The following STAB2 variants were observed in gnomAD, a reference collection of about 807,000 sequenced individuals.
The protein encoded by STAB2 is stabilin 2.
STAB2 carries 288 observed loss-of-function variants against 338.1 expected under a neutral mutation model. The observed-to-expected ratio is 0.85, with a 90% CI of 0.77 to 0.94. The LOEUF is 0.94. Ranked by LOEUF, STAB2 falls within the 40% of genes least tolerant of loss-of-function variation. The probability of loss-of-function intolerance (pLI) is 0.00; values close to 1 mark genes in which losing one functional copy is unlikely to be tolerated. For missense variants in STAB2, 3,141 were observed against 3,210.1 expected (o/e 0.98, Z 0.52); for synonymous variants, 1,202 against 1,193.3 (o/e 1.01, Z -0.15).
intron 9 of STAB2, among the ~76,000 whole-genome samples, chr12:103,645,274 A>C (rs904075648): frequency 3.9e-5 from 6 of 152,286 alleles, no homozygotes; most frequent in Non-Finnish European, 8.8e-5. Context: ...AACTGAGAAC[A>C]GTTAAGTCAG....
rs1446659636 is a variant in STAB2 at position 103,755,353 on chromosome 12, T to C, written c.6766T>C (p.Tyr2256His). 6.2e-7 allele frequency: 1 copy of C among 1,614,134 alleles called. No individual in the cohort carries two copies. The highest frequency in any genetic ancestry group is 8.5e-7 in the Non-Finnish European group (1 of 1,180,010). Residue 2256 changes from tyrosine (Y) to histidine (H), a missense_variant, in exon 62 of 69, where the codon TAC (tyrosine) becomes CAC (histidine). Physicochemically the swap from Tyr to His is moderately conservative, Grantham distance 83 (BLOSUM62 2). Coordinates refer to ENST00000388887, the MANE Select transcript of STAB2 (RefSeq NM_017564.10). ...CTGGCTGGAGACCGGGCGGGTTGCC[T>C]ACCCCACAGCCTTCGCCTCCCAGAA... ...AGWLETGRVA[Y>H]PTAFASQNCG... is the part of the protein sequence containing the mutation.
In STAB2 at chr12:103,755,595, G is replaced by A. The variant is rs1884039939; in HGVS notation, c.6881-17G>A. ...CTGCCTTACTTGTGTGGGACCCTGT[G>A]TGCCTCTGCCCTCCAGATGTGAACT... On this transcript the variant is annotated splice_polypyrimidine_tract_variant and intron_variant, in intron 62 of 68. Coordinates refer to ENST00000388887, the MANE Select transcript of STAB2 (RefSeq NM_017564.10). The A allele has an allele frequency of 3.7e-6, 6 of 1,614,004 alleles. No homozygotes were observed. The highest frequency in any genetic ancestry group is 5.1e-6 in the Non-Finnish European group (6 of 1,179,906).
At chr12:103,681,613 C>CTTTTTT (rs907234037) in intron 25 of STAB2, among the ~76,000 whole-genome samples, 4 of 92,952 alleles carry the variant, frequency 4.3e-5, no homozygotes, top group African/African-American at 1.4e-4. Context: ...TTCCCCCCTA[C>CTTTTTT]TTTTTTTTTT....
At chr12:103,637,496 A>T (rs575747437) in intron 7 of STAB2, among the ~76,000 whole-genome samples, 1 of 152,246 alleles carries the variant, frequency 6.6e-6, no homozygotes, top group South Asian at 2.1e-4. Context: ...TTCTTATTTT[A>T]TCTTTTTGAT....
intron 41 of STAB2, among the ~76,000 whole-genome samples, chr12:103,712,671 T>A (rs949384906): frequency 2.6e-5 from 4 of 152,220 alleles, no homozygotes; most frequent in African/African-American, 9.7e-5. Context: ...TGATTTGTGT[T>A]GAGAACCCAC....
intron 34 of STAB2, among the ~76,000 whole-genome samples, chr12:103,702,455 C>A (rs1247684865): frequency 1.3e-5 from 2 of 152,070 alleles, no homozygotes; most frequent in Admixed American, 6.5e-5. Context: ...CCCGCCACCG[C>A]GCCCGGCTAA....
At chr12:103,705,852 A>G in intron 37 of STAB2, 125 bp downstream of exon 37, 1 of 845,286 alleles carries the variant, frequency 1.2e-6, no homozygotes, top group Non-Finnish European at 1.9e-6. Context: ...TGTTACCTGC[A>G]TTATCATTGT....
intron 34 of STAB2, among the ~76,000 whole-genome samples, chr12:103,702,586 A>G (rs1205321638): frequency 1.3e-5 from 2 of 152,256 alleles, no homozygotes; most frequent in African/African-American, 4.8e-5. Flanking sequence ...GGCGTGAGCC[A>G]CCGCGCCCGG....
chr12:103,635,841 G>T (rs955902651), intron 6 of STAB2, among the ~76,000 whole-genome samples: 2 of 152,122 alleles, frequency 1.3e-5, no homozygotes, highest in Non-Finnish European at 2.9e-5. Context: ...CCCCATGCAT[G>T]ACCTCCCAGC....
chr12:103,673,541 G>A (rs1049903367), intron 22 of STAB2, among the ~76,000 whole-genome samples: 2 of 151,874 alleles, frequency 1.3e-5, no homozygotes, highest in African/African-American at 4.8e-5. Flanking sequence ...TAGAGACAGG[G>A]TTTCACCATG....
chr12:103,755,178 G>A (rs1883999761), intron 61 of STAB2, 124 bp from the exon 62 acceptor site: 1 of 1,331,302 alleles, frequency 7.5e-7, no homozygotes, highest in Non-Finnish European at 1.0e-6. Context: ...CAGGCACAGA[G>A]GTGCAATAGG....
At chr12:103,723,822 A>C (rs1211686268) in intron 44 of STAB2, among the ~76,000 whole-genome samples, 1 of 152,172 alleles carries the variant, frequency 6.6e-6, no homozygotes, top group African/African-American at 2.4e-5. Context: ...CTGGGGAGAA[A>C]GAAGTAAGCT....
At chr12:103,617,854 C>A (rs963099393) in intron 3 of STAB2, among the ~76,000 whole-genome samples, 1 of 152,148 alleles carries the variant, frequency 6.6e-6, no homozygotes, top group African/African-American at 2.4e-5. Context: ...AGGTTTTGAG[C>A]CTGGCTCTGC....
chr12:103,765,086 C>CCCAA (rs1217746304), intron 68 of STAB2, among the ~76,000 whole-genome samples: 1 of 66,546 alleles, frequency 1.5e-5, no homozygotes, highest in Non-Finnish European at 2.8e-5. Context: ...GACTCTGTCT[C>CCCAA]AAAAAAAAAA....
In STAB2 at chr12:103,685,085, G is replaced by A; in HGVS notation, c.2997+1G>A. 1 of 1,613,590 alleles carries A rather than the reference G, an allele frequency of 6.2e-7. No homozygotes were observed. On this transcript the variant is annotated splice_donor_variant, in intron 27 of 68. Coordinates refer to ENST00000388887, the MANE Select transcript of STAB2 (RefSeq NM_017564.10). LOFTEE classifies it high-confidence loss of function. The stretch of plus-strand genomic sequence containing the variant: ...TCTGTGCTATGGAAACGCAGCAGTG[G>A]TAAGTCATCGATGATGAACTCAATA...
intron 58 of STAB2, among the ~76,000 whole-genome samples, chr12:103,748,014 A>G (rs963157638): frequency 1.3e-5 from 2 of 149,856 alleles, no homozygotes; most frequent in South Asian, 2.1e-4. Context: ...AAAAAAAAAA[A>G]GGGAAGAAGA....
At chr12:103,669,732 A>C (rs1053824389) in intron 21 of STAB2, 105 bp downstream of exon 21, 2 of 988,702 alleles carry the variant, frequency 2.0e-6, no homozygotes, top group African/African-American at 3.2e-5. Flanking sequence ...CAGGAAGCAA[A>C]AGAAATGACC....
chr12:103,610,049 G>T (rs923835126), intron 3 of STAB2, among the ~76,000 whole-genome samples: 1 of 152,168 alleles, frequency 6.6e-6, no homozygotes, highest in Non-Finnish European at 1.5e-5. Flanking sequence ...ACTTGATAAT[G>T]CTGGGTAAGC....
At chr12:103,759,110 CTG>C (rs1157059292) in intron 64 of STAB2, 21 bp from the exon 65 acceptor site, 10 of 1,614,116 alleles carry the variant, frequency 6.2e-6, no homozygotes, top group East Asian at 2.2e-5. Flanking sequence ...GAAGAGCATT[CTG>C]TGTTTCTCCT....
Sources: gnomAD v4.1 joint callset for allele counts (sites outside exome capture counted in the v4.1 genomes callset) on GRCh38, gnomAD v4.1.1 for gene constraint, MANE v1.5 for transcripts, NCBI Gene and HGNC (gene_info 2026-07-23, HGNC 2026-07-21) for gene names.